LRP1B: variants seen among roughly 807,000 people sequenced by gnomAD.
The protein encoded by LRP1B is LDL receptor related protein 1B.
In LRP1B, 217 loss-of-function variants were observed where a neutral mutation model predicts 556.6. The ratio of observed to expected loss-of-function variants is 0.39; its 90% CI spans 0.35 to 0.44. The LOEUF is 0.44. Among genes scored for constraint, LRP1B ranks in the 20% least tolerant of loss-of-function variants. The pLI, the probability that LRP1B is intolerant of heterozygous loss-of-function variation, is 1.00. For missense variants in LRP1B, 5,053 were observed against 5,620.8 expected (o/e 0.90, Z 3.23); for synonymous variants, 2,047 against 1,865.8 (o/e 1.10, Z -2.50).
intron 3 of LRP1B, among the ~76,000 whole-genome samples, chr2:141,345,235 T>C (rs1173880947): frequency 1.3e-5 from 2 of 151,824 alleles, no homozygotes; most frequent in Non-Finnish European, 2.9e-5. Flanking sequence ...ACACCAATAC[T>C]GCCCACTTGA....
intron 67 of LRP1B, among the ~76,000 whole-genome samples, chr2:140,380,471 C>T (rs1038554541): frequency 3.3e-5 from 5 of 152,244 alleles, no homozygotes; most frequent in South Asian, 2.1e-4. Flanking sequence ...TGGTTGCAGA[C>T]ACATGCAGTT....
At chr2:141,412,444 G>A (rs1035964934) in intron 3 of LRP1B, among the ~76,000 whole-genome samples, 6 of 152,036 alleles carry the variant, frequency 3.9e-5, no homozygotes, top group African/African-American at 1.2e-4. Context: ...ACTTTTTAAG[G>A]AGAAGCACAT....
At position 141,289,122 on chromosome 2, in the gene LRP1B, C is replaced by T. The variant is rs1013359769; in HGVS notation, c.344-34481G>A. Among the ~76,000 whole-genome samples, 82 of 151,948 alleles carry T rather than the reference C, an allele frequency of 5.4e-4. 4 individuals carry two copies. The highest frequency in any genetic ancestry group is 1.0e-4 in the Non-Finnish European group (7 of 67,982). On this transcript the variant is annotated intron_variant, in intron 3 of 90. Transcript: ENST00000389484. ...AATGCGGCCGGGCGCGGTGGCTTAA[C>T]TCCTGTAATCCCAGAATTTTGGGAG...
At chr2:140,304,067 C>T (rs936387210) in intron 83 of LRP1B, among the ~76,000 whole-genome samples, 15 of 152,148 alleles carry the variant, frequency 9.9e-5, no homozygotes, top group African/African-American at 3.1e-4. Flanking sequence ...CGTTGATGGA[C>T]ATTTGCGTTG....
At chr2:141,568,894 C>T (rs1324334277) in intron 2 of LRP1B, among the ~76,000 whole-genome samples, 1 of 149,478 alleles carries the variant, frequency 6.7e-6, no homozygotes, top group Non-Finnish European at 1.5e-5. Context: ...TCTGGGATCA[C>T]AGGTGTGTGC....
At chr2:141,250,484 G>A (rs936004573) in intron 4 of LRP1B, among the ~76,000 whole-genome samples, 2 of 152,154 alleles carry the variant, frequency 1.3e-5, no homozygotes, top group African/African-American at 2.4e-5. Flanking sequence ...GGGCATAGAA[G>A]CTTCCCTCTC....
chr2:140,266,988 T>C (rs886169710), intron 86 of LRP1B, among the ~76,000 whole-genome samples: 4 of 152,056 alleles, frequency 2.6e-5, no homozygotes, highest in Admixed American at 1.3e-4. Flanking sequence ...CACTTTAGAA[T>C]TGAACAGGAC....
chr2:141,897,068 G>A (rs1264916860), intron 1 of LRP1B, among the ~76,000 whole-genome samples: 1 of 152,052 alleles, frequency 6.6e-6, no homozygotes, highest in East Asian at 1.9e-4. Flanking sequence ...CATAGGACAT[G>A]TATTCCTGTT....
Position 140,400,421 on chromosome 2 carries a change from A to G in LRP1B, c.10415-14412T>C, listed in dbSNP as rs369718960. Among the ~76,000 whole-genome samples, 8 of 152,138 alleles carry G rather than the reference A, an allele frequency of 5.3e-5. 1 individual carries two copies. The highest frequency in any genetic ancestry group is 1.9e-4 in the African/African-American group (8 of 41,486). On this transcript the variant is annotated intron_variant, in intron 66 of 90. Coordinates refer to ENST00000389484, the MANE Select transcript of LRP1B (RefSeq NM_018557.3). ...CCTGTAGCAACATACCTGATAATGT[A>G]CCCTCTATTGGGTTTCTTCCTTTCC...
intron 2 of LRP1B, among the ~76,000 whole-genome samples, chr2:141,575,573 A>G (rs1208845806): frequency 6.6e-6 from 1 of 152,232 alleles, no homozygotes; most frequent in African/African-American, 2.4e-5. Flanking sequence ...GCCAAAAGCA[A>G]TTGCAACAAA....
chr2:141,881,245 C>T (rs1000857472), intron 1 of LRP1B, among the ~76,000 whole-genome samples: 3 of 151,994 alleles, frequency 2.0e-5, no homozygotes, highest in African/African-American at 7.2e-5. Context: ...AGTAGAGATG[C>T]CTCTCTGAAG....
At chr2:140,472,340 A>G (rs1687803580) in intron 60 of LRP1B, among the ~76,000 whole-genome samples, 1 of 152,142 alleles carries the variant, frequency 6.6e-6, no homozygotes, top group African/African-American at 2.4e-5. Context: ...ATTCAGTAGC[A>G]TGTTTTTTAC....
At chr2:141,697,085 T>C (rs1691758503) in intron 2 of LRP1B, among the ~76,000 whole-genome samples, 1 of 151,958 alleles carries the variant, frequency 6.6e-6, no homozygotes, top group Admixed American at 6.6e-5. Flanking sequence ...CCAGACATGT[T>C]TAAACATAAC....
chr2:140,265,873 G>A (rs1682179061), intron 86 of LRP1B, among the ~76,000 whole-genome samples: 1 of 151,706 alleles, frequency 6.6e-6, no homozygotes, highest in African/African-American at 2.4e-5. Flanking sequence ...TATTGTCCAG[G>A]GATCATTGAC....
intron 7 of LRP1B, among the ~76,000 whole-genome samples, chr2:141,142,102 C>A (rs995930539): frequency 1.2e-4 from 18 of 150,106 alleles, no homozygotes; most frequent in African/African-American, 4.4e-4. Flanking sequence ...AAAAAAAAAT[C>A]TATTCTTTAA....
chr2:141,323,611 C>CT (rs1447992398), intron 3 of LRP1B, among the ~76,000 whole-genome samples: 9 of 151,858 alleles, frequency 5.9e-5, no homozygotes, highest in Admixed American at 1.3e-4. Context: ...TGTCAAAATC[C>CT]TTTTTTATCA....
chr2:140,444,042 T>G (rs1200220792), intron 65 of LRP1B, among the ~76,000 whole-genome samples: 2 of 152,124 alleles, frequency 1.3e-5, no homozygotes, highest in Non-Finnish European at 2.9e-5. Context: ...CATAATCAAC[T>G]GCCATGTTTT....
At chr2:142,055,518 C>T (rs901861034) in intron 1 of LRP1B, among the ~76,000 whole-genome samples, 2 of 152,070 alleles carry the variant, frequency 1.3e-5, no homozygotes, top group Non-Finnish European at 2.9e-5. Flanking sequence ...TTAATTCACC[C>T]GTATAGACAT....
At chr2:140,853,682 A>C in intron 27 of LRP1B, among the ~76,000 whole-genome samples, 1 of 55,140 alleles carries the variant, frequency 1.8e-5, no homozygotes, top group Admixed American at 1.7e-4. Flanking sequence ...GTATTTGTTA[A>C]AAACAATAAA....
Sources: allele counts gnomAD v4.1 joint callset (sites outside exome capture counted in the v4.1 genomes callset), GRCh38; gene constraint gnomAD v4.1.1; transcripts MANE v1.5; gene names NCBI Gene and HGNC (gene_info 2026-07-23, HGNC 2026-07-21).